The following LRP1B variants were observed in gnomAD, a reference collection of about 807,000 sequenced individuals.
The protein encoded by LRP1B is LDL receptor related protein 1B.
A neutral mutation model predicts 556.6 loss-of-function variants in LRP1B; 217 were observed. The observed-to-expected ratio is 0.39, with a 90% confidence interval of 0.35 to 0.44. The LOEUF (loss-of-function observed/expected upper bound fraction) is 0.44, where lower values mean the gene tolerates loss of function less well. Ranked by LOEUF, LRP1B falls within the 20% of genes least tolerant of loss-of-function variation. The pLI is 1.00. For missense variants in LRP1B, 5,053 were observed against 5,620.8 expected (o/e 0.90, Z 3.23); for synonymous variants, 2,047 against 1,865.8 (o/e 1.10, Z -2.50).
chr2:140,531,056 G>GTAT, intron 47 of LRP1B, among the ~76,000 whole-genome samples: 1 of 152,144 alleles, frequency 6.6e-6, no homozygotes, highest in African/African-American at 2.4e-5. Context: ...CATACATGAG[G>GTAT]TATTATATTT....
At chr2:140,330,374 C>T (rs571447270) in intron 79 of LRP1B, among the ~76,000 whole-genome samples, 2 of 151,534 alleles carry the variant, frequency 1.3e-5, no homozygotes, top group East Asian at 3.9e-4. Flanking sequence ...CTGGTACAGA[C>T]ACATAGACCA....
chr2:141,899,984 C>T (rs933842578), intron 1 of LRP1B, among the ~76,000 whole-genome samples: 3 of 152,000 alleles, frequency 2.0e-5, no homozygotes, highest in Non-Finnish European at 4.4e-5. Flanking sequence ...ACCTGGAATA[C>T]CTCCGTGATA....
At chr2:140,766,845 TA>T (rs1553527401) in intron 35 of LRP1B, among the ~76,000 whole-genome samples, 2 of 42,080 alleles carry the variant, frequency 4.8e-5, no homozygotes, top group East Asian at 6.8e-4. Flanking sequence ...ATATATATAT[TA>T]TATATATATA....
At chr2:141,300,281 A>G (rs1365266475) in intron 3 of LRP1B, among the ~76,000 whole-genome samples, 1 of 152,216 alleles carries the variant, frequency 6.6e-6, no homozygotes, top group Non-Finnish European at 1.5e-5. Flanking sequence ...ACAAAGATTG[A>G]GGGAATCCCA....
At chr2:140,936,446 A>G (rs1695214630) in intron 20 of LRP1B, among the ~76,000 whole-genome samples, 2 of 152,134 alleles carry the variant, frequency 1.3e-5, no homozygotes, top group African/African-American at 4.8e-5. Flanking sequence ...CTGCCCTTCA[A>G]AATTGAAGGT....
At position 140,526,300 on chromosome 2, in the gene LRP1B, G is replaced by T. The variant is rs1423518217; in HGVS notation, c.7813C>A (p.Pro2605Thr). The part of the protein sequence containing the change: ...EFRCADGTCI[P>T]RSARCNQNID... ...TTCTGGTTGCATCGTGCTGATCTTGGAATACAAGTCCCATCTGCACAGCGG... is the reference window on the plus strand; with the variant it reads ...TTCTGGTTGCATCGTGCTGATCTTGTAATACAAGTCCCATCTGCACAGCGG... The change falls in exon 48 of 91, where the codon CCA (proline) becomes ACA (threonine). Residue 2605 changes from proline (P) to threonine (T), a missense_variant. Pro to Thr is a conservative substitution (Grantham distance 38, BLOSUM62 -1). Coordinates refer to ENST00000389484, the MANE Select transcript of LRP1B (RefSeq NM_018557.3). 1.9e-6 allele frequency: 3 copies of T among 1,611,904 alleles called. No individual in the cohort carries two copies. In the African/African-American group the frequency reaches 4.0e-5, roughly 22 times the overall value.
intron 2 of LRP1B, among the ~76,000 whole-genome samples, chr2:141,497,239 G>A (rs369928372): frequency 1.6e-4 from 24 of 152,042 alleles, no homozygotes; most frequent in Admixed American, 1.1e-3. Context: ...AAAGTGAGGT[G>A]GAGAGTTTAT....
chr2:141,328,612 G>T (rs977098668), intron 3 of LRP1B, among the ~76,000 whole-genome samples: 1 of 152,162 alleles, frequency 6.6e-6, no homozygotes, highest in Non-Finnish European at 1.5e-5. Context: ...TCTACTTCAA[G>T]GTATTCTGCT....
chr2:140,573,064 G>T (rs574691121), intron 43 of LRP1B, among the ~76,000 whole-genome samples: 1 of 151,774 alleles, frequency 6.6e-6, no homozygotes, highest in East Asian at 1.9e-4. Flanking sequence ...AGAGAAATAA[G>T]TTCTAGTGTT....
intron 86 of LRP1B, among the ~76,000 whole-genome samples, chr2:140,261,020 A>G (rs964827060): frequency 6.7e-6 from 1 of 148,692 alleles, no homozygotes; most frequent in Non-Finnish European, 1.5e-5. Context: ...ATGAGTGGAT[A>G]TAAGAGAATG....
At chr2:141,522,614 C>T (rs945163794) in intron 2 of LRP1B, among the ~76,000 whole-genome samples, 25 of 152,036 alleles carry the variant, frequency 1.6e-4, no homozygotes, top group African/African-American at 5.6e-4. Flanking sequence ...GAGTCAGACT[C>T]GGGGAGATCT....
chr2:141,632,382 T>C (rs188903069), intron 2 of LRP1B, among the ~76,000 whole-genome samples: 4 of 152,320 alleles, frequency 2.6e-5, no homozygotes, highest in East Asian at 3.9e-4. Context: ...ATGAAATGCA[T>C]AGATGCTAGA....
chr2:141,382,898 T>C (rs1689691349), intron 3 of LRP1B, among the ~76,000 whole-genome samples: 1 of 152,102 alleles, frequency 6.6e-6, no homozygotes. Flanking sequence ...AAAAAGCTTT[T>C]TGCCTAGCAA....
At chr2:142,044,475 AGAT>A (rs1384513118) in intron 1 of LRP1B, among the ~76,000 whole-genome samples, 1 of 151,802 alleles carries the variant, frequency 6.6e-6, no homozygotes, top group Admixed American at 6.6e-5. Context: ...CAGAGCAGAA[AGAT>A]GAGCGCACAG....
chr2:141,179,892 C>CTTTTTTTTTT, intron 7 of LRP1B, among the ~76,000 whole-genome samples: 1 of 126,010 alleles, frequency 7.9e-6, no homozygotes. Context: ...TTGGTTTTTC[C>CTTTTTTTTTT]TTTTTTTTTT....
chr2:141,426,096 T>C (rs1433872894), intron 3 of LRP1B, among the ~76,000 whole-genome samples: 1 of 152,136 alleles, frequency 6.6e-6, no homozygotes, highest in Non-Finnish European at 1.5e-5. Flanking sequence ...TTAATTTTTG[T>C]ATAAGGTGTA....
chr2:140,601,543 T>C lies in LRP1B; in HGVS notation c.6896A>G (p.Asp2299Gly). The change falls in exon 42 of 91, where the codon GAC (aspartate) becomes GGC (glycine). Residue 2299 changes from aspartate (D) to glycine (G), a missense_variant. By Grantham distance (94) the Asp-to-Gly change is moderately conservative. Around this residue, in one of 5 missense-constraint regions of LRP1B, gnomAD observed 3,619 missense variants for 3,931.9 expected, o/e 0.92. Coordinates refer to ENST00000389484, the MANE Select transcript of LRP1B (RefSeq NM_018557.3). ...TTSSITRHTVDQTRPGAFDRE... is the reference protein window; with the variant it reads ...TTSSITRHTVGQTRPGAFDRE... ...GTCAAATGCTCCAGGCCGAGTCTGGTCCACAGTGTGTCTGGTGATGGATGA... is the reference window on the plus strand; with the variant it reads ...GTCAAATGCTCCAGGCCGAGTCTGGCCCACAGTGTGTCTGGTGATGGATGA... The C allele has an allele frequency of 6.2e-7, 1 of 1,613,234 alleles. No individual in the cohort carries two copies. The highest frequency in any genetic ancestry group is 2.2e-5 in the East Asian group (1 of 44,868).
intron 1 of LRP1B, among the ~76,000 whole-genome samples, chr2:141,952,511 G>A (rs563362765): frequency 6.6e-5 from 10 of 152,028 alleles, no homozygotes; most frequent in African/African-American, 1.9e-4. Context: ...TCATCCCTTG[G>A]AATATTGAAC....
chr2:141,047,660 T>G (rs1447636537), intron 11 of LRP1B, among the ~76,000 whole-genome samples: 1 of 152,150 alleles, frequency 6.6e-6, no homozygotes, highest in Non-Finnish European at 1.5e-5. Flanking sequence ...CTCCTTCACT[T>G]ACCTTCAAGG....
Sources: gnomAD v4.1 joint callset for allele counts (sites outside exome capture counted in the v4.1 genomes callset) on GRCh38, gnomAD v4.1.1 for gene constraint, gnomAD v4.1.1 regional missense constraint, MANE v1.5 for transcripts, NCBI Gene and HGNC (gene_info 2026-07-23, HGNC 2026-07-21) for gene names.